NEK8: variants seen among roughly 807,000 people sequenced by gnomAD.
The protein encoded by NEK8 is NIMA related kinase 8.
NEK8 carries 51 observed loss-of-function variants against 77.2 expected under a neutral mutation model. The observed-to-expected ratio is 0.66, with a 90% CI of 0.53 to 0.83. The LOEUF (loss-of-function observed/expected upper bound fraction) is 0.83, where lower values mean the gene tolerates loss of function less well. Among genes scored for constraint, NEK8 ranks in the 40% least tolerant of loss-of-function variants. NEK8 has a pLI of 0.00. For synonymous variants in NEK8, 365 were observed against 363.2 expected, an observed-to-expected ratio of 1.00 and a Z score of -0.06; for missense variants, 787 against 909.2, an observed-to-expected ratio of 0.87 and a Z score of 1.73.
rs767202440 is a variant in NEK8, at chr17:28,742,026, TCTC to T, written c.*43_*45del. 8.7e-6 allele frequency: 14 copies of T among 1,604,850 alleles called. No homozygotes were observed. Among genetic ancestry groups the T allele is most frequent in the Admixed American group, 1.7e-5 (1 of 59,974 alleles). ...ACCTCTGGACCACCCTGATATTGCT[TCTC>T]CTCTGAATGCTCTGAAAAGTGCAGG... On this transcript the variant is annotated 3_prime_UTR_variant, in exon 15 of 15. Coordinates refer to ENST00000268766, the MANE Select transcript of NEK8 (RefSeq NM_178170.3).
rs1567762493 is a variant in NEK8 at position 28,741,529 on chromosome 17, TC to T, written c.2010del (p.Val671CysfsTer33). On this transcript the variant is annotated frameshift_variant, in exon 14 of 15. Transcript: ENST00000268766. LOFTEE classifies it high-confidence loss of function. The surrounding 1 kb of genome is among the most constrained non-coding windows in gnomAD (Gnocchi z 4.5). ...LDETHPYTVTSVSCCHGNTLL... is the reference protein window; with the variant it reads ...LDETHPYTVTXVSCCHGNTLL... ...TGAGACACACCCTTACACGGTGACT[TC>T]CGTGTCCTGTTGCCATGGAAACACC... The T allele has an allele frequency of 1.9e-6, 3 of 1,614,094 alleles. No individual in the cohort carries two copies. The East Asian group carries it at 6.7e-5, about 36-fold the overall frequency.
chr17:28,736,681 G>T (rs1463826218), intron 4 of NEK8, among the ~76,000 whole-genome samples: 1 of 152,182 alleles, frequency 6.6e-6, no homozygotes, highest in Non-Finnish European at 1.5e-5. Context: ...CCCTTTGTCA[G>T]ATGAGTAGAT....
At chr17:28,729,114 C>T (rs1327466937) in intron 1 of NEK8, among the ~76,000 whole-genome samples, 2 of 152,244 alleles carry the variant, frequency 1.3e-5, no homozygotes, top group Admixed American at 6.5e-5. Flanking sequence ...ATACTGAGTG[C>T]CAGCTATGTA....
intron 3 of NEK8, 104 bp from the exon 4 acceptor site, chr17:28,735,136 C>A: frequency 1.3e-6 from 2 of 1,561,038 alleles, no homozygotes; most frequent in East Asian, 2.3e-5. Context: ...CAGGAGGAAG[C>A]CCCTTGGCTT....
Position 28,742,515 on chromosome 17 carries a change from A to C in NEK8, c.*528A>C, listed in dbSNP as rs1291218751. ...AGGCTGAGGCAGGAGAATGGCGTAA[A>C]CCCCTCCAGCCTGGGCGACAGAACC... On this transcript the variant is annotated 3_prime_UTR_variant, in exon 15 of 15. Coordinates refer to ENST00000268766, the MANE Select transcript of NEK8 (RefSeq NM_178170.3). The C allele has an allele frequency of 1.9e-5, 3 of 157,776 alleles. No homozygotes were observed. Among genetic ancestry groups the C allele is most frequent in the Admixed American group, 6.3e-5 (1 of 15,966 alleles). 9.8% of individuals were successfully genotyped at this position (157,776 alleles called of 1,614,324 possible).
At chr17:28,734,393 G>C (rs1443855335) in intron 2 of NEK8, 1 of 612,822 alleles carries the variant, frequency 1.6e-6, no homozygotes, top group Non-Finnish European at 2.9e-6. Flanking sequence ...TTGTTGGCTG[G>C]GCACGGTGGC....
rs2034429601 is a variant in NEK8 at position 28,742,103 on chromosome 17, G to A, written c.*116G>A. On this transcript the variant is annotated 3_prime_UTR_variant, in exon 15 of 15. Coordinates refer to ENST00000268766, the MANE Select transcript of NEK8 (RefSeq NM_178170.3). ...GTCTCCTGGATTGTGTCATCATGGG[G>A]TATCAGGGCTGGCAAAACCCCTGCT... 9.3e-7 allele frequency: 1 copy of A among 1,078,632 alleles called. No homozygotes were observed. The highest frequency in any genetic ancestry group is 1.4e-6 in the Non-Finnish European group (1 of 692,630). 66.8% of individuals were successfully genotyped at this position (1,078,632 alleles called of 1,614,324 possible). A position where few individuals can be genotyped will look rare whatever the true frequency, so the allele number is the denominator to read the frequency against.
Position 28,740,443 on chromosome 17 carries a change from T to C in NEK8, c.1418-20T>C, listed in dbSNP as rs375757846. 4 of 1,613,812 alleles carry C rather than the reference T, an allele frequency of 2.5e-6. No homozygotes were observed. The highest frequency in any genetic ancestry group is 3.4e-6 in the Non-Finnish European group (4 of 1,179,884). ...CCCCACTAAAGCTCAAATTAACTCC[T>C]TCTGGGTTTCTTCTTGTAGGCAGAC... On this transcript the variant is annotated intron_variant, in intron 10 of 14. Coordinates refer to ENST00000268766, the MANE Select transcript of NEK8 (RefSeq NM_178170.3). The surrounding 1 kb of genome is among the most constrained non-coding windows in gnomAD (Gnocchi z 4.7).
At chr17:28,735,486 A>C in intron 4 of NEK8, 115 bp downstream of exon 4, 1 of 1,198,038 alleles carries the variant, frequency 8.3e-7, no homozygotes, top group Non-Finnish European at 1.2e-6. Flanking sequence ...CTCCCTTATC[A>C]GATTACCCCA....
Position 28,741,973 on chromosome 17 carries a change from C to T in NEK8, c.2065C>T (p.Pro689Ser), listed in dbSNP as rs771069008. The T allele has an allele frequency of 1.9e-6, 3 of 1,613,970 alleles. No individual in the cohort carries two copies. The East Asian group carries it at 6.7e-5, about 36-fold the overall frequency. The change falls in exon 15 of 15, where the codon CCG (proline) becomes TCG (serine). Residue 689 changes from proline (P) to serine (S), a missense_variant. Physicochemically the swap from Pro to Ser is moderately conservative, Grantham distance 74. Transcript: ENST00000268766. The surrounding 1 kb of genome is among the most constrained non-coding windows in gnomAD (Gnocchi z 4.5). ...GTACCCTCCAGCGGTCACAGATGAG[C>T]CGGTCCCCCCCTGAGGCACCCGGAT... The part of the protein sequence containing the change: ...LLAVRSVTDE[P>S]VPP
At chr17:28,735,083 C>T (rs1367746500) in intron 3 of NEK8, 79 bp downstream of exon 3, 1 of 1,512,306 alleles carries the variant, frequency 6.6e-7, no homozygotes, top group Admixed American at 1.7e-5. Context: ...TCCCCTCCCC[C>T]TAAAAAACCC....
intron 1 of NEK8, among the ~76,000 whole-genome samples, chr17:28,731,561 A>T (rs1056075826): frequency 6.6e-6 from 1 of 151,996 alleles, no homozygotes; most frequent in Non-Finnish European, 1.5e-5. Flanking sequence ...ATAGAAAAAT[A>T]AAAAATCTTA....
At position 28,738,717 on chromosome 17, in the gene NEK8, A is replaced by G. The variant is rs2034391672; in HGVS notation, c.1269A>G (p.Leu423=). ...MTFGSGSNGC[L]GHGSLTDISQ... ...TCGGCAGCGGCAGCAATGGGTGCCTAGGCCATGGCAGCCTCACTGACATCA... is the reference window on the plus strand; with the variant it reads ...TCGGCAGCGGCAGCAATGGGTGCCTGGGCCATGGCAGCCTCACTGACATCA... The change falls in exon 9 of 15, where the codon CTA becomes CTG. Residue 423 remains leucine, a synonymous_variant. Coordinates refer to ENST00000268766, the MANE Select transcript of NEK8 (RefSeq NM_178170.3). The G allele has an allele frequency of 6.2e-7, 1 of 1,613,940 alleles. No homozygotes were observed. The highest frequency in any genetic ancestry group is 1.7e-5 in the Admixed American group (1 of 60,006).
chr17:28,738,278 T>C (rs1231493184), intron 8 of NEK8, 33 bp downstream of exon 8: 9 of 1,613,288 alleles, frequency 5.6e-6, no homozygotes, highest in Non-Finnish European at 7.6e-6. Flanking sequence ...TGGGACCTGC[T>C]CTGAGGCCCC....
rs769115559 is a variant in NEK8, at chr17:28,737,775, A to C, written c.889+39A>C. On this transcript the variant is annotated intron_variant, in intron 6 of 14. Coordinates refer to ENST00000268766, the MANE Select transcript of NEK8 (RefSeq NM_178170.3). The surrounding 1 kb of genome is among the most constrained non-coding windows in gnomAD (Gnocchi z 4.8). The stretch of plus-strand genomic sequence containing the variant: ...GGCCGCCAGTCCCCATGGATGCCAC[A>C]CCATTCCCATCAGTTTAATAGTCCC... The C allele has an allele frequency of 3.7e-6, 6 of 1,614,044 alleles. 1 individual carries two copies. The South Asian group carries it at 6.6e-5, about 18-fold the overall frequency.
intron 1 of NEK8, among the ~76,000 whole-genome samples, chr17:28,733,448 T>C (rs1030458113): frequency 1.3e-5 from 2 of 152,214 alleles, no homozygotes; most frequent in Non-Finnish European, 2.9e-5. Context: ...TGACTGCCTA[T>C]TGTGTGCTAA....
chr17:28,738,206 C>T lies in NEK8; in HGVS notation c.1183C>T (p.His395Tyr), dbSNP rs763610690. ...LEGQSGVTIK[H>Y]VACGDFFTAC... ...GGGCCAGTCGGGTGTGACCATCAAG[C>T]ACGTGGCCTGTGGGGACTTCTTCAC... The change falls in exon 8 of 15, where the codon CAC becomes TAC. Residue 395 changes from histidine (H) to tyrosine (Y), a missense_variant. Coordinates refer to ENST00000268766, the MANE Select transcript of NEK8 (RefSeq NM_178170.3). The T allele has an allele frequency of 1.2e-6, 2 of 1,614,208 alleles. No homozygotes were observed. Among genetic ancestry groups the T allele is most frequent in the Non-Finnish European group, 8.5e-7 (1 of 1,180,024 alleles).
chr17:28,737,514 G>C lies in NEK8; in HGVS notation c.827G>C (p.Arg276Thr). The C allele has an allele frequency of 6.2e-7, 1 of 1,613,118 alleles. No individual in the cohort carries two copies. Among genetic ancestry groups the C allele is most frequent in the Non-Finnish European group, 8.5e-7 (1 of 1,179,836 alleles). The change falls in exon 5 of 15, where the codon AGG (arginine) becomes ACG (threonine). Residue 276 changes from arginine (R) to threonine (T), a missense_variant and splice_region_variant. This residue lies in a region of NEK8 where 271 missense variants were observed against 365.1 expected (regional missense o/e 0.74). Transcript: ENST00000268766. The surrounding 1 kb of genome is among the most constrained non-coding windows in gnomAD (Gnocchi z 4.8). The stretch of plus-strand genomic sequence containing the variant: ...GACGTGGGCAGTGTCCGCATGCGGA[G>C]GCCTGTGCAGGGACAGCGAGCGGTC... ...HTDVGSVRMR[R>T]AEKSVAPSNT...
At chr17:28,739,257 C>A in intron 10 of NEK8, 56 bp downstream of exon 10, 1 of 1,117,486 alleles carries the variant, frequency 8.9e-7, no homozygotes, top group Non-Finnish European at 1.4e-6. Flanking sequence ...GACTTGCTCC[C>A]CTTCATACCC....
Sources: allele counts gnomAD v4.1 joint callset (sites outside exome capture counted in the v4.1 genomes callset), GRCh38; gene constraint gnomAD v4.1.1; regional missense constraint gnomAD v4.1.1; non-coding constraint Gnocchi (gnomAD v3.1); transcripts MANE v1.5; gene names NCBI Gene and HGNC (gene_info 2026-07-23, HGNC 2026-07-21).